The following NKAIN3 variants were observed in gnomAD, a reference collection of about 807,000 sequenced individuals.
NKAIN3 encodes the protein sodium/potassium transporting ATPase interacting 3.
NKAIN3 carries 25 observed loss-of-function variants against 30.2 expected under a neutral mutation model. The observed-to-expected ratio is 0.83, with a 90% CI of 0.60 to 1.16. The LOEUF (loss-of-function observed/expected upper bound fraction) is 1.16, where lower values mean the gene tolerates loss of function less well. Ranked by LOEUF, NKAIN3 falls within the 50% of genes most tolerant of loss-of-function variation. The pLI is 0.00. For missense variants in NKAIN3, 225 were observed against 254.1 expected (o/e 0.89, Z 0.78); for synonymous variants, 91 against 89.6 (o/e 1.02, Z -0.09).
At chr8:62,498,055 T>A (rs1455244390) in intron 1 of NKAIN3, among the ~76,000 whole-genome samples, 1 of 152,136 alleles carries the variant, frequency 6.6e-6, no homozygotes, top group Non-Finnish European at 1.5e-5. Context: ...TTGATTATGT[T>A]TGTAGATCAC....
rs4410897 is a variant in NKAIN3 at position 62,977,022 on chromosome 8, G to C, written c.*11615G>C. Among the ~76,000 whole-genome samples, 16,353 of 152,176 alleles carry C rather than the reference G, an allele frequency of 0.11. 934 individuals are homozygous for C. The highest frequency in any genetic ancestry group is 0.17 in the South Asian group (829 of 4,820). Reference sequence around the variant, plus strand: ...GTTGAATATTAGCCCCCAATCTCTTGTGGCTTTTAGGGTTTCTGCAGAGAG... The same window carrying C: ...GTTGAATATTAGCCCCCAATCTCTTCTGGCTTTTAGGGTTTCTGCAGAGAG... On this transcript the variant is annotated 3_prime_UTR_variant, in exon 7 of 7. Transcript: ENST00000623646.
chr8:62,463,490 A>G (rs1256484597), intron 1 of NKAIN3, among the ~76,000 whole-genome samples: 2 of 152,172 alleles, frequency 1.3e-5, no homozygotes, highest in Admixed American at 6.5e-5. Flanking sequence ...TGTTATCAAA[A>G]CTCATGCCCT....
chr8:62,434,337 C>G (rs1256502330), intron 1 of NKAIN3, among the ~76,000 whole-genome samples: 3 of 152,090 alleles, frequency 2.0e-5, no homozygotes, highest in Admixed American at 1.3e-4. Flanking sequence ...TTATGAGGAG[C>G]TTAGAGTAAT....
At chr8:62,674,887 A>C (rs1322831099) in intron 3 of NKAIN3, among the ~76,000 whole-genome samples, 1 of 152,218 alleles carries the variant, frequency 6.6e-6, no homozygotes, top group Non-Finnish European at 1.5e-5. Flanking sequence ...CCGCCACGTA[A>C]GGATAATTAA....
At chr8:62,824,531 C>A (rs1230354942) in intron 4 of NKAIN3, among the ~76,000 whole-genome samples, 1 of 143,896 alleles carries the variant, frequency 6.9e-6, no homozygotes, top group South Asian at 2.2e-4. Flanking sequence ...CACACACACA[C>A]AAATAGTGGT....
At chr8:62,440,666 C>T (rs1805296880) in intron 1 of NKAIN3, among the ~76,000 whole-genome samples, 1 of 151,586 alleles carries the variant, frequency 6.6e-6, no homozygotes, top group Admixed American at 6.6e-5. Flanking sequence ...CGACCATACT[C>T]ACTCCCCTCC....
intron 1 of NKAIN3, among the ~76,000 whole-genome samples, chr8:62,424,884 C>CT (rs1312659848): frequency 6.6e-6 from 1 of 151,874 alleles, no homozygotes; most frequent in African/African-American, 2.4e-5. Flanking sequence ...TGGAAACAAT[C>CT]TAAATGTCCA....
chr8:62,944,423 T>A (rs1823066208), intron 5 of NKAIN3, among the ~76,000 whole-genome samples: 1 of 152,190 alleles, frequency 6.6e-6, no homozygotes, highest in Non-Finnish European at 1.5e-5. Flanking sequence ...AATCAGCATT[T>A]TTATTAAACT....
chr8:62,665,785 G>A (rs930845505), intron 3 of NKAIN3, among the ~76,000 whole-genome samples: 4 of 152,168 alleles, frequency 2.6e-5, no homozygotes, highest in Non-Finnish European at 5.9e-5. Context: ...ATGCAAAGGT[G>A]TCTATGTGCC....
intron 4 of NKAIN3, among the ~76,000 whole-genome samples, chr8:62,895,914 C>A (rs1027316405): frequency 1.3e-5 from 2 of 152,090 alleles, no homozygotes; most frequent in Non-Finnish European, 2.9e-5. Flanking sequence ...CTCAAATGAG[C>A]CTCACTTGTT....
chr8:62,961,103 A>G (rs958009683), intron 6 of NKAIN3, among the ~76,000 whole-genome samples: 1 of 152,108 alleles, frequency 6.6e-6, no homozygotes, highest in Non-Finnish European at 1.5e-5. Context: ...AACATGATGA[A>G]GCCTTGTCTC....
intron 1 of NKAIN3, among the ~76,000 whole-genome samples, chr8:62,463,568 G>A (rs1378701113): frequency 6.6e-6 from 1 of 152,124 alleles, no homozygotes; most frequent in African/African-American, 2.4e-5. Context: ...TTGGTGGTTT[G>A]TTTATTCTCC....
chr8:62,864,761 A>T (rs1270664040), intron 4 of NKAIN3, among the ~76,000 whole-genome samples: 1 of 152,114 alleles, frequency 6.6e-6, no homozygotes, highest in East Asian at 1.9e-4. Flanking sequence ...TTGTTGATGA[A>T]TCCCCTGGAT....
Position 62,819,133 on chromosome 8 carries a change from T to TTATA in NKAIN3, c.471+72019_471+72022dup, listed in dbSNP as rs71559380. Among the ~76,000 whole-genome samples, 12 of 98,846 alleles carry TTATA rather than the reference T, an allele frequency of 1.2e-4. No homozygotes were observed. The East Asian group carries it at 2.6e-3, about 22-fold the overall frequency. 64.8% of individuals were successfully genotyped at this position (98,846 alleles called of 152,430 possible). A position where few individuals can be genotyped will look rare whatever the true frequency, so the allele number is the denominator to read the frequency against. On this transcript the variant is annotated intron_variant, in intron 4 of 6. Coordinates refer to ENST00000623646, the MANE Select transcript of NKAIN3 (RefSeq NM_001304533.3). ...AATACTGGGAGTTACAGAATTATCG[T>TTATA]TATATATATATATATATACATATAT...
chr8:62,817,177 T>G (rs1818710758), intron 4 of NKAIN3, among the ~76,000 whole-genome samples: 1 of 152,182 alleles, frequency 6.6e-6, no homozygotes, highest in South Asian at 2.1e-4. Flanking sequence ...ATTTGTTGTT[T>G]TGATCTTTTT....
intron 4 of NKAIN3, among the ~76,000 whole-genome samples, chr8:62,876,237 G>A (rs13253399): frequency 0.1 from 15,716 of 152,110 alleles, 895 homozygotes; most frequent in Admixed American, 0.14. Flanking sequence ...CAACATCACC[G>A]ATCAGCAAAT....
At chr8:62,833,975 A>G (rs558522568) in intron 4 of NKAIN3, among the ~76,000 whole-genome samples, 152 of 152,216 alleles carry the variant, frequency 1.0e-3, no homozygotes, top group Non-Finnish European at 1.9e-3. Flanking sequence ...AAGTTAATTC[A>G]CCATGACCAA....
At chr8:62,990,443 C>T (rs1824299505) in intron 5 of NKAIN3, 1 of 918,356 alleles carries the variant, frequency 1.1e-6, no homozygotes, top group East Asian at 3.9e-5. Context: ...TACATTGATT[C>T]CTAAAGATTG....
chr8:62,738,652 TC>T (rs1815757153), intron 3 of NKAIN3, among the ~76,000 whole-genome samples: 1 of 151,542 alleles, frequency 6.6e-6, no homozygotes, highest in African/African-American at 2.4e-5. Context: ...TTATATCATA[TC>T]CTTTGCCCAC....
Sources: allele counts gnomAD v4.1 joint callset (sites outside exome capture counted in the v4.1 genomes callset), GRCh38; gene constraint gnomAD v4.1.1; transcripts MANE v1.5; gene names NCBI Gene and HGNC (gene_info 2026-07-23, HGNC 2026-07-21).